Variants in GPC5 observed in about 807,000 individuals in gnomAD.
GPC5 encodes the protein glypican 5.
In GPC5, 47 loss-of-function variants were observed where a neutral mutation model predicts 53.9. That is an observed-to-expected ratio of 0.87 (90% confidence interval 0.69 to 1.11). GPC5 has a LOEUF of 1.11. Ranked by LOEUF, GPC5 falls within the 50% of genes most tolerant of loss-of-function variation. The pLI is 0.00. For missense variants in GPC5, 748 were observed against 713.1 expected (o/e 1.05, Z -0.56); for synonymous variants, 286 against 263.3 (o/e 1.09, Z -0.84).
At chr13:91,888,755 T>C (rs2039353558) in intron 5 of GPC5, among the ~76,000 whole-genome samples, 1 of 152,172 alleles carries the variant, frequency 6.6e-6, no homozygotes, top group Non-Finnish European at 1.5e-5. Flanking sequence ...TGATGCAAGT[T>C]GCTTATCAGT....
At chr13:91,616,691 G>GA (rs899891315) in intron 2 of GPC5, among the ~76,000 whole-genome samples, 2 of 151,306 alleles carry the variant, frequency 1.3e-5, no homozygotes, top group Non-Finnish European at 3.0e-5. Context: ...TAAAAGCACT[G>GA]AAAAAAAAGA....
At chr13:91,810,822 A>C (rs2038299612) in intron 5 of GPC5, among the ~76,000 whole-genome samples, 1 of 151,888 alleles carries the variant, frequency 6.6e-6, no homozygotes, top group Non-Finnish European at 1.5e-5. Flanking sequence ...AGTTAATACT[A>C]ATGAAGGGAA....
intron 7 of GPC5, among the ~76,000 whole-genome samples, chr13:92,519,371 G>T (rs947311767): frequency 6.6e-6 from 1 of 152,024 alleles, no homozygotes; most frequent in Non-Finnish European, 1.5e-5. Flanking sequence ...TGACCACATA[G>T]TTGGAAGTAA....
intron 2 of GPC5, among the ~76,000 whole-genome samples, chr13:91,559,245 C>T (rs752036868): frequency 6.6e-5 from 10 of 152,192 alleles, no homozygotes; most frequent in South Asian, 4.1e-4. Flanking sequence ...GAAGCAGGTG[C>T]GTAGCAAACT....
chr13:92,445,768 A>G (rs867998574), intron 7 of GPC5, among the ~76,000 whole-genome samples: 3 of 151,940 alleles, frequency 2.0e-5, no homozygotes, highest in South Asian at 2.1e-4. Flanking sequence ...TAATGCCGCA[A>G]TAAACATACG....
At chr13:92,155,239 T>C (rs9523521) in intron 7 of GPC5, among the ~76,000 whole-genome samples, 2 of 151,970 alleles carry the variant, frequency 1.3e-5, no homozygotes, top group African/African-American at 4.8e-5. Flanking sequence ...TTAGCTCACA[T>C]GTTCTTTCCT....
chr13:91,408,203 C>A (rs1877467988), intron 1 of GPC5, among the ~76,000 whole-genome samples: 1 of 152,026 alleles, frequency 6.6e-6, no homozygotes, highest in Admixed American at 6.6e-5. Context: ...AACATCTTTC[C>A]AACTCTTCCT....
chr13:91,611,187 G>A (rs2033537200), intron 2 of GPC5, among the ~76,000 whole-genome samples: 1 of 152,186 alleles, frequency 6.6e-6, no homozygotes, highest in South Asian at 2.1e-4. Flanking sequence ...TTAGAGATAT[G>A]TAGATTAGAC....
chr13:92,391,169 T>C (rs1023405497), intron 7 of GPC5, among the ~76,000 whole-genome samples: 38 of 152,256 alleles, frequency 2.5e-4, no homozygotes, highest in African/African-American at 8.9e-4. Context: ...TTTCAGTATT[T>C]ATTAAACAGA....
At chr13:91,565,235 C>A (rs1345366558) in intron 2 of GPC5, among the ~76,000 whole-genome samples, 1 of 152,082 alleles carries the variant, frequency 6.6e-6, no homozygotes, top group African/African-American at 2.4e-5. Context: ...GGTTATCTGC[C>A]CACCTCTGCC....
intron 6 of GPC5, among the ~76,000 whole-genome samples, chr13:92,008,305 G>T (rs952566322): frequency 1.3e-5 from 2 of 151,820 alleles, no homozygotes; most frequent in African/African-American, 4.8e-5. Flanking sequence ...CTCGTGATCC[G>T]CCCGCCTCGG....
intron 5 of GPC5, among the ~76,000 whole-genome samples, chr13:91,901,346 G>T (rs933144553): frequency 6.6e-6 from 1 of 151,988 alleles, no homozygotes; most frequent in Non-Finnish European, 1.5e-5. Context: ...ATCACAAAAG[G>T]CTTAATCATT....
intron 7 of GPC5, among the ~76,000 whole-genome samples, chr13:92,626,415 G>A (rs1885047165): frequency 6.6e-6 from 1 of 152,074 alleles, no homozygotes; most frequent in South Asian, 2.1e-4. Flanking sequence ...AGGGCAAGAG[G>A]GCACTCATGT....
chr13:92,575,375 T>A (rs1883158334), intron 7 of GPC5, among the ~76,000 whole-genome samples: 2 of 152,134 alleles, frequency 1.3e-5, no homozygotes, highest in African/African-American at 4.8e-5. Flanking sequence ...AGGCCATTCA[T>A]GCAGTGAGAA....
intron 6 of GPC5, among the ~76,000 whole-genome samples, chr13:91,968,245 A>G (rs1594694301): frequency 6.6e-6 from 1 of 151,934 alleles, no homozygotes; most frequent in South Asian, 2.1e-4. Context: ...TTCCTATTTT[A>G]AAGTTTTTTT....
At chr13:91,435,635 G>A (rs1879877838) in intron 1 of GPC5, among the ~76,000 whole-genome samples, 1 of 152,132 alleles carries the variant, frequency 6.6e-6, no homozygotes, top group Non-Finnish European at 1.5e-5. Context: ...AGGGATATTG[G>A]TTCTAAAATT....
chr13:91,882,939 G>T (rs2039283230), intron 5 of GPC5, among the ~76,000 whole-genome samples: 1 of 152,098 alleles, frequency 6.6e-6, no homozygotes, highest in African/African-American at 2.4e-5. Context: ...CAGTGTTACA[G>T]TTACTATTGC....
intron 6 of GPC5, among the ~76,000 whole-genome samples, chr13:92,100,625 G>A (rs1158977492): frequency 2.0e-5 from 3 of 151,836 alleles, no homozygotes; most frequent in Non-Finnish European, 4.4e-5. Context: ...TCATGTCCTG[G>A]GTGACATGTA....
chr13:91,456,284 AGT>A (rs1460090843), intron 2 of GPC5, among the ~76,000 whole-genome samples: 1 of 152,094 alleles, frequency 6.6e-6, no homozygotes, highest in Non-Finnish European at 1.5e-5. Flanking sequence ...GTATAGACAA[AGT>A]GTATAATCTT....
Sources: allele counts gnomAD v4.1 joint callset (sites outside exome capture counted in the v4.1 genomes callset), GRCh38; gene constraint gnomAD v4.1.1; transcripts MANE v1.5; gene names NCBI Gene and HGNC (gene_info 2026-07-23, HGNC 2026-07-21).